SIRPA: variants seen among roughly 807,000 people sequenced by gnomAD.
The protein encoded by SIRPA is tyrosine-protein phosphatase non-receptor type substrate 1.
A neutral mutation model predicts 50.3 loss-of-function variants in SIRPA; 9 were observed. That is an observed-to-expected ratio of 0.18 (90% CI 0.11 to 0.31). SIRPA has a LOEUF of 0.31. Among genes scored for constraint, SIRPA ranks in the 10% least tolerant of loss-of-function variants. The pLI is 1.00. For synonymous variants in SIRPA, 265 were observed against 284.1 expected (o/e 0.93, Z 0.68); for missense variants, 474 against 661.6 (o/e 0.72, Z 3.11).
At chr20:1,896,909 A>T (rs1706964225) in intron 1 of SIRPA, among the ~76,000 whole-genome samples, 1 of 151,988 alleles carries the variant, frequency 6.6e-6, no homozygotes, top group Non-Finnish European at 1.5e-5. Context: ...TGAGCTGGCC[A>T]TTTGTACCCT....
At chr20:1,914,881 A>G (rs1275084698) in intron 1 of SIRPA, among the ~76,000 whole-genome samples, 1 of 152,110 alleles carries the variant, frequency 6.6e-6, no homozygotes, top group African/African-American at 2.4e-5. Flanking sequence ...ACTCTCTGCC[A>G]TGTCATTTAG....
In SIRPA at chr20:1,934,917, C is replaced by T. The variant is rs1305210471; in HGVS notation, c.1266+163C>T. ...CCCATGTCCTGTGCATATTCCTTCTCTCTACTGCAGCCAAGAGTGGCTGTT... is the reference window on the plus strand; with the variant it reads ...CCCATGTCCTGTGCATATTCCTTCTTTCTACTGCAGCCAAGAGTGGCTGTT... On this transcript the variant is annotated intron_variant, in intron 7 of 7. Transcript: ENST00000358771. The surrounding 1 kb of genome is among the most constrained non-coding windows in gnomAD (Gnocchi z 4.6). Among the ~76,000 whole-genome samples, 1 of 152,188 alleles carries T rather than the reference C, an allele frequency of 6.6e-6. No homozygotes were observed. The highest frequency in any genetic ancestry group is 1.5e-5 in the Non-Finnish European group (1 of 68,024).
upstream of SIRPA, chr20:1,894,329 C>T (rs1983625983): frequency 6.6e-6 from 1 of 152,188 alleles, no homozygotes; most frequent in South Asian, 2.1e-4. The surrounding 1 kb of genome is among the most constrained non-coding windows in gnomAD (Gnocchi z 4.0). Flanking sequence ...GGGGAGCAGC[C>T]GCGCGGCCGG....
intron 1 of SIRPA, among the ~76,000 whole-genome samples, chr20:1,903,067 G>A (rs578033553): frequency 6.6e-6 from 1 of 151,760 alleles, no homozygotes. Context: ...GAGTAGCCAC[G>A]GGGGATAGCA....
intron 5 of SIRPA, among the ~76,000 whole-genome samples, chr20:1,926,626 C>T (rs185196877): frequency 1.4e-4 from 22 of 152,356 alleles, no homozygotes; most frequent in Admixed American, 9.1e-4. Flanking sequence ...ACTGTGCTTT[C>T]CCTGTAGTAA....
At chr20:1,915,580 C>G in intron 2 of SIRPA, 125 bp downstream of exon 2, 3 of 1,184,578 alleles carry the variant, frequency 2.5e-6, no homozygotes, top group Non-Finnish European at 3.7e-6. Flanking sequence ...TGATGTCTCC[C>G]CCTTTTACAA....
At chr20:1,908,729 C>A (rs1267296715) in intron 1 of SIRPA, among the ~76,000 whole-genome samples, 1 of 152,188 alleles carries the variant, frequency 6.6e-6, no homozygotes, top group Non-Finnish European at 1.5e-5. Flanking sequence ...TTGTACAGCC[C>A]TGTACTACAT....
Position 1,933,881 on chromosome 20 carries a change from C to T in SIRPA, c.1227-834C>T, listed in dbSNP as rs959970986. On this transcript the variant is annotated intron_variant, in intron 6 of 7. Transcript: ENST00000358771. This position sits in a 1 kb window ranked among gnomAD's most constrained non-coding sequence, Gnocchi z 4.4. ...ACCTCCAATTACAGAAGCAAGTGCA[C>T]GAACAACTTCTTTGATTAACTTGGA... Among the ~76,000 whole-genome samples the T allele has an allele frequency of 2.1e-4, 32 of 152,286 alleles. No individual in the cohort carries two copies. Among genetic ancestry groups the T allele is most frequent in the African/African-American group, 7.2e-4 (30 of 41,546 alleles).
chr20:1,926,224 G>A (rs944605988), intron 5 of SIRPA, among the ~76,000 whole-genome samples: 6 of 152,214 alleles, frequency 3.9e-5, no homozygotes, highest in Non-Finnish European at 1.5e-5. Context: ...TCTGCAAGAC[G>A]TCCCACCAAG....
In SIRPA at chr20:1,927,765, C is replaced by A; in HGVS notation, c.1202-110C>A. On this transcript the variant is annotated intron_variant, in intron 5 of 7. Transcript: ENST00000358771. The surrounding 1 kb of genome is among the most constrained non-coding windows in gnomAD (Gnocchi z 6.5). ...TCCTGTGGTTCCAAGGATGTGATTA[C>A]AGCATTTCCTCTCCATGTCCCTGGA... The A allele has an allele frequency of 1.1e-6, 1 of 940,130 alleles. No homozygotes were observed. 58.2% of individuals were successfully genotyped at this position (940,130 alleles called of 1,614,324 possible).
At chr20:1,929,245 C>T (rs1211106216) in intron 6 of SIRPA, among the ~76,000 whole-genome samples, 1 of 152,022 alleles carries the variant, frequency 6.6e-6, no homozygotes, top group Non-Finnish European at 1.5e-5. Context: ...GGAGCCCAGA[C>T]TACAGGAGGT....
chr20:1,926,260 G>A (rs1465792002), intron 5 of SIRPA, among the ~76,000 whole-genome samples: 1 of 152,232 alleles, frequency 6.6e-6, no homozygotes, highest in Admixed American at 6.5e-5. Context: ...GTTCCCTAAA[G>A]TTCCTGGAGA....
At chr20:1,906,047 A>G (rs1984526622) in intron 1 of SIRPA, among the ~76,000 whole-genome samples, 2 of 152,062 alleles carry the variant, frequency 1.3e-5, no homozygotes, top group South Asian at 2.1e-4. Flanking sequence ...TTAGACACCC[A>G]TCTGCATGGT....
intron 2 of SIRPA, among the ~76,000 whole-genome samples, chr20:1,916,155 C>G (rs1394203791): frequency 2.6e-5 from 4 of 152,218 alleles, no homozygotes; most frequent in Non-Finnish European, 4.4e-5. Flanking sequence ...ATGTCTCTCA[C>G]CCCAGGGAGG....
chr20:1,936,913 G>A lies in SIRPA; in HGVS notation c.1267-407G>A, dbSNP rs1355387848. Reference sequence around the variant, plus strand: ...AGAGCCAGGGAGGGTCTTAGTATGAGCCATGCTTCATCTGAAATTTACATG... The same window carrying A: ...AGAGCCAGGGAGGGTCTTAGTATGAACCATGCTTCATCTGAAATTTACATG... On this transcript the variant is annotated intron_variant, in intron 7 of 7. Transcript: ENST00000358771. The surrounding 1 kb of genome is among the most constrained non-coding windows in gnomAD (Gnocchi z 4.2). Among the ~76,000 whole-genome samples the A allele has an allele frequency of 6.6e-6, 1 of 152,088 alleles. No homozygotes were observed. The highest frequency in any genetic ancestry group is 1.5e-5 in the Non-Finnish European group (1 of 68,020).
At position 1,937,199 on chromosome 20, in the gene SIRPA, T is replaced by C; in HGVS notation, c.1267-121T>C. On this transcript the variant is annotated intron_variant, in intron 7 of 7. Coordinates refer to ENST00000358771, the MANE Select transcript of SIRPA (RefSeq NM_001040023.2). This position sits in a 1 kb window ranked among gnomAD's most constrained non-coding sequence, Gnocchi z 8.3. The stretch of plus-strand genomic sequence containing the variant: ...AGATGAGGGGAACATGACTTATGGC[T>C]GAGCCAGTGTGGGCCGAGAGGACAC... The C allele has an allele frequency of 1.6e-6, 2 of 1,214,688 alleles. No homozygotes were observed. Among genetic ancestry groups the C allele is most frequent in the East Asian group, 2.4e-5 (1 of 42,320 alleles). The allele number at this position is 1,214,688 out of a possible 1,614,324, so 75.2% of individuals were successfully genotyped here.
In SIRPA at chr20:1,898,564, C is replaced by G. The variant is rs182839796; in HGVS notation, c.79+3038C>G. On this transcript the variant is annotated intron_variant, in intron 1 of 7. Transcript: ENST00000358771. This position sits in a 1 kb window ranked among gnomAD's most constrained non-coding sequence, Gnocchi z 4.3. ...TCCCCATTCTGCAGATGCAGAAAAT[C>G]GAGTCCCAAACTGGGGAACTAACTT... Among the ~76,000 whole-genome samples the G allele has an allele frequency of 8.5e-5, 13 of 152,226 alleles. No homozygotes were observed. Among genetic ancestry groups the G allele is most frequent in the African/African-American group, 3.1e-4 (13 of 41,542 alleles).
At chr20:1,900,894 C>T (rs897517222) in intron 1 of SIRPA, among the ~76,000 whole-genome samples, 12 of 152,304 alleles carry the variant, frequency 7.9e-5, no homozygotes, top group African/African-American at 2.9e-4. Flanking sequence ...TGGCGATGCA[C>T]GTCGTTATCT....
rs146683181 is a variant in SIRPA at position 1,939,762 on chromosome 20, G to C, written c.*2194G>C. On this transcript the variant is annotated 3_prime_UTR_variant, in exon 8 of 8. Transcript: ENST00000358771. The surrounding 1 kb of genome is among the most constrained non-coding windows in gnomAD (Gnocchi z 4.7). The stretch of plus-strand genomic sequence containing the variant: ...AAGGAAGAGGTCGAACCAACCCTGC[G>C]GAAGGAGCATGGTTTCAGGAGTTTA... 6 of 152,626 alleles carry C rather than the reference G, an allele frequency of 3.9e-5. No individual in the cohort carries two copies. Among genetic ancestry groups the C allele is most frequent in the Non-Finnish European group, 7.3e-5 (5 of 68,042 alleles). 9.5% of individuals were successfully genotyped at this position (152,626 alleles called of 1,614,324 possible).
Sources: allele counts gnomAD v4.1 joint callset (sites outside exome capture counted in the v4.1 genomes callset), GRCh38; gene constraint gnomAD v4.1.1; non-coding constraint Gnocchi (gnomAD v3.1); transcripts MANE v1.5; gene names NCBI Gene and HGNC (gene_info 2026-07-23, HGNC 2026-07-21).